CLECL1: variants seen among roughly 807,000 people sequenced by gnomAD.
The protein encoded by CLECL1 is C-type lectin like 1.
upstream of CLECL1, chr12:9,733,226 C>T (rs1358839478): frequency 6.2e-7 from 1 of 1,612,800 alleles, no homozygotes; most frequent in Admixed American, 1.7e-5. Context: ...TAGCAGATTT[C>T]TCGAATACTT....
chr12:9,733,398 C>G (rs779398301), upstream of CLECL1: 3 of 587,210 alleles, frequency 5.1e-6, no homozygotes, highest in Non-Finnish European at 5.9e-6. Context: ...CATATATTCT[C>G]TGGCGGAAAC....
intron 2 of CLECL1, among the ~76,000 whole-genome samples, chr12:9,728,832 TG>T (rs759766484): frequency 6.6e-6 from 1 of 151,998 alleles, no homozygotes; most frequent in Non-Finnish European, 1.5e-5. Context: ...TGCTGATTTC[TG>T]GAGTCCCTTC....
rs118111424 is a variant in CLECL1, at chr12:9,725,062, T to G, written n.263-2249A>C. Among the ~76,000 whole-genome samples, 251 of 152,254 alleles carry G rather than the reference T, an allele frequency of 1.6e-3. 8 individuals carry two copies. In the East Asian group the frequency reaches 0.042, roughly 25 times the overall value. Reference sequence around the variant, plus strand: ...GAAAAAGTAACTGTCAACAAAGTATTCTATATCCAGTGAAAAATCTTCCAA... The same window carrying G: ...GAAAAAGTAACTGTCAACAAAGTATGCTATATCCAGTGAAAAATCTTCCAA... On this transcript the variant is annotated intron_variant and non_coding_transcript_variant, in intron 3 of 3. Transcript: ENST00000621400.
chr12:9,712,608 C>T (rs1866208427), downstream of CLECL1, among the ~76,000 whole-genome samples: 1 of 152,092 alleles, frequency 6.6e-6, no homozygotes, highest in African/African-American at 2.4e-5. Context: ...GCAAGAGTGG[C>T]CACCTTGCCT....
upstream of CLECL1, chr12:9,733,386 G>T: frequency 1.6e-6 from 1 of 632,666 alleles, no homozygotes; most frequent in Non-Finnish European, 2.7e-6. Context: ...TTTTAGTTCA[G>T]GCATATATTC....
At chr12:9,720,490 C>G (rs996209169), downstream of CLECL1, among the ~76,000 whole-genome samples, 2 of 151,944 alleles carry the variant, frequency 1.3e-5, no homozygotes, top group Non-Finnish European at 1.5e-5. Flanking sequence ...TTACAGGCAT[C>G]ACCACCACAC....
rs117203471 is a variant in CLECL1, at chr12:9,726,670, T to C, written n.262+895A>G. On this transcript the variant is annotated intron_variant and non_coding_transcript_variant, in intron 3 of 3. Transcript: ENST00000621400. ...AGATTTGGTGTACTTTCCTAATCAA[T>C]TGAAAGTAGAACCTTAGGAGAGGTA... 4.3e-4 allele frequency among the ~76,000 whole-genome samples: 65 copies of C among 152,048 alleles called. No individual in the cohort carries two copies. In the East Asian group the frequency reaches 0.012, roughly 28 times the overall value.
exon 3 of CLECL1, chr12:9,716,583 G>T: frequency 4.5e-6 from 1 of 223,188 alleles, no homozygotes; most frequent in Non-Finnish European, 9.1e-6. Context: ...ATCTCCTGGC[G>T]GCTGGTGGCT....
At chr12:9,729,305 C>G (rs573456978) in intron 2 of CLECL1, among the ~76,000 whole-genome samples, 5 of 152,038 alleles carry the variant, frequency 3.3e-5, no homozygotes, top group Non-Finnish European at 7.4e-5. Context: ...GTGTATATCC[C>G]AACATCAAAC....
chr12:9,719,723 C>T (rs923195502), downstream of CLECL1, among the ~76,000 whole-genome samples: 3 of 152,088 alleles, frequency 2.0e-5, 1 homozygote, highest in South Asian at 6.2e-4. Context: ...GAGTGAGATC[C>T]TGTCTCTAAA....
the CLECL1 span, among the ~76,000 whole-genome samples, chr12:9,705,138 G>T: frequency 6.6e-6 from 1 of 152,080 alleles, no homozygotes; most frequent in Non-Finnish European, 1.5e-5. Flanking sequence ...TTGTGGTTTT[G>T]ATCTGCATTT....
intron 2 of CLECL1, among the ~76,000 whole-genome samples, chr12:9,728,171 C>T (rs1866402825): frequency 6.6e-6 from 1 of 151,636 alleles, no homozygotes. Context: ...AAATATTTGT[C>T]TTTCTGCTGG....
intron 3 of CLECL1, among the ~76,000 whole-genome samples, chr12:9,726,633 A>G (rs1402325653): frequency 1.3e-5 from 2 of 152,012 alleles, no homozygotes; most frequent in Non-Finnish European, 2.9e-5. Context: ...TTATTTTAAG[A>G]TAAACTCATT....
chr12:9,716,666 C>T, exon 3 of CLECL1: 2 of 556,394 alleles, frequency 3.6e-6, no homozygotes, highest in Non-Finnish European at 5.2e-6. Context: ...TCATCAGAGG[C>T]CTCTTCCTAA....
downstream of CLECL1, among the ~76,000 whole-genome samples, chr12:9,711,135 A>T (rs1866196669): frequency 6.6e-6 from 1 of 152,118 alleles, no homozygotes; most frequent in Admixed American, 6.5e-5. Context: ...TTGCTGTGGG[A>T]TCTGAACCCC....
At chr12:9,730,625 T>G (rs1866435668) in intron 1 of CLECL1, among the ~76,000 whole-genome samples, 1 of 152,156 alleles carries the variant, frequency 6.6e-6, no homozygotes, top group African/African-American at 2.4e-5. Context: ...GTCAAAATTG[T>G]GGGAGTCAAG....
At chr12:9,732,392 C>G (rs1444887959) in intron 1 of CLECL1, among the ~76,000 whole-genome samples, 1 of 152,068 alleles carries the variant, frequency 6.6e-6, no homozygotes, top group African/African-American at 2.4e-5. Context: ...ATGAAGGCAC[C>G]ATGTTAAGTT....
At chr12:9,732,880 C>T (rs1866464068) in intron 1 of CLECL1, 69 bp downstream of exon 1, 1 of 1,286,596 alleles carries the variant, frequency 7.8e-7, no homozygotes, top group Non-Finnish European at 1.1e-6. Flanking sequence ...CAATTAGATA[C>T]ATAAGAAAGA....
chr12:9,710,590 C>T, the CLECL1 span, among the ~76,000 whole-genome samples: 2 of 152,198 alleles, frequency 1.3e-5, no homozygotes, highest in African/African-American at 4.8e-5. Context: ...CCACCCTGGC[C>T]TGCCATGCCC....
Sources: gnomAD v4.1 joint callset for allele counts (sites outside exome capture counted in the v4.1 genomes callset) on GRCh38, gnomAD v4.1.1 for gene constraint, MANE v1.5 for transcripts, NCBI Gene and HGNC (gene_info 2026-07-23, HGNC 2026-07-21) for gene names.